HRH1: variants seen among roughly 807,000 people sequenced by gnomAD.
HRH1 encodes the protein histamine H1 receptor.
Under a neutral mutation model 10.3 loss-of-function variants are expected in HRH1, and 6 were observed. That is an observed-to-expected ratio of 0.58 (90% CI 0.32 to 1.15). The LOEUF is 1.15. Among genes scored for constraint, HRH1 ranks in the 50% most tolerant of loss-of-function variants. The probability of loss-of-function intolerance (pLI) is 0.05; values close to 1 mark genes in which losing one functional copy is unlikely to be tolerated. For missense variants in HRH1, 514 were observed against 615.3 expected (o/e 0.84, Z 1.74); for synonymous variants, 242 against 236.7 (o/e 1.02, Z -0.21).
At chr3:11,181,220 G>C (rs1267894959) in intron 1 of HRH1, among the ~76,000 whole-genome samples, 1 of 152,176 alleles carries the variant, frequency 6.6e-6, no homozygotes, top group Non-Finnish European at 1.5e-5. Context: ...GGGAGGTTGA[G>C]GCTGCTGTAA....
chr3:11,232,941 T>C (rs1280952145), intron 1 of HRH1, among the ~76,000 whole-genome samples: 1 of 152,208 alleles, frequency 6.6e-6, no homozygotes, highest in Non-Finnish European at 1.5e-5. Flanking sequence ...CTGAAAAATA[T>C]AATGCCATTT....
intron 1 of HRH1, among the ~76,000 whole-genome samples, chr3:11,209,775 T>C (rs1338796818): frequency 6.6e-6 from 1 of 152,194 alleles, no homozygotes; most frequent in Non-Finnish European, 1.5e-5. Context: ...CTCCATTATT[T>C]TGGTGAATTA....
At chr3:11,225,031 C>A (rs889119899) in intron 1 of HRH1, among the ~76,000 whole-genome samples, 1 of 152,156 alleles carries the variant, frequency 6.6e-6, no homozygotes, top group African/African-American at 2.4e-5. Context: ...TGCTCCACTG[C>A]GGCTGCTAAG....
At chr3:11,152,446 T>G (rs1375553886), upstream of HRH1, among the ~76,000 whole-genome samples, 1 of 152,184 alleles carries the variant, frequency 6.6e-6, no homozygotes, top group Non-Finnish European at 1.5e-5. Context: ...AAGATGCTGA[T>G]TTTTCTAAAA....
chr3:11,229,986 GT>G (rs1285556205), intron 1 of HRH1, among the ~76,000 whole-genome samples: 2 of 152,300 alleles, frequency 1.3e-5, no homozygotes, highest in Non-Finnish European at 2.9e-5. Context: ...ACTAGAGGGG[GT>G]GAGATTGGAA....
chr3:11,199,223 G>A (rs1469427244), intron 1 of HRH1, among the ~76,000 whole-genome samples: 1 of 152,058 alleles, frequency 6.6e-6, no homozygotes, highest in Admixed American at 6.6e-5. Flanking sequence ...TATATTATAG[G>A]TGAAATAGTT....
chr3:11,199,966 T>C (rs1210621367), intron 1 of HRH1, among the ~76,000 whole-genome samples: 1 of 152,224 alleles, frequency 6.6e-6, no homozygotes, highest in Non-Finnish European at 1.5e-5. Flanking sequence ...AACCTAATCC[T>C]GTTGCTGGTG....
Position 11,259,794 on chromosome 3 carries a change from A to G in HRH1, c.757A>G (p.Lys253Glu), listed in dbSNP as rs1165686244. 4 of 1,613,882 alleles carry G rather than the reference A, an allele frequency of 2.5e-6. No individual in the cohort carries two copies. The Admixed American group carries it at 5.0e-5, about 20-fold the overall frequency. The change falls in exon 2 of 2, where the codon AAG (lysine) becomes GAG (glutamate). Residue 253 changes from lysine to glutamate, a missense_variant. Lys to Glu is a moderately conservative substitution (Grantham distance 56, BLOSUM62 1). Transcript: ENST00000431010. This position sits in a 1 kb window ranked among gnomAD's most constrained non-coding sequence, Gnocchi z 4.6. Reference sequence around the variant, plus strand: ...CAAGGGGGATGCCAAGAAACCAGGGAAGGAGTCTCCCTGGGAGGTTCTGAA... The same window carrying G: ...CAAGGGGGATGCCAAGAAACCAGGGGAGGAGTCTCCCTGGGAGGTTCTGAA... The part of the protein sequence containing the change: ...NPKGDAKKPG[K>E]ESPWEVLKRK...
chr3:11,145,833 T>C (rs1283678431), intron 1 of HRH1, among the ~76,000 whole-genome samples: 1 of 152,228 alleles, frequency 6.6e-6, no homozygotes, highest in Non-Finnish European at 1.5e-5. Context: ...TAGAATGATA[T>C]GTTTACTTTT....
chr3:11,234,486 C>G, intron 1 of HRH1: 1 of 1,519,572 alleles, frequency 6.6e-7, no homozygotes, highest in Middle Eastern at 1.7e-4. Context: ...TTGAACTGTT[C>G]CCCACAGGGG....
chr3:11,172,883 T>C (rs1937181059), intron 1 of HRH1, among the ~76,000 whole-genome samples: 1 of 151,802 alleles, frequency 6.6e-6, no homozygotes, highest in Non-Finnish European at 1.5e-5. Context: ...TTTGTATTTT[T>C]AGTAGAGACG....
chr3:11,259,313 G>A lies in HRH1; in HGVS notation c.276G>A (p.Lys92=). 1.2e-6 allele frequency: 2 copies of A among 1,613,694 alleles called. No homozygotes were observed. The highest frequency in any genetic ancestry group is 4.5e-5 in the East Asian group (2 of 44,868). The part of the protein sequence containing the change: ...PMNILYLLMS[K]WSLGRPLCLF... ...ACATCCTCTACCTGCTCATGTCCAA[G>A]TGGTCACTGGGCCGTCCTCTCTGCC... Residue 92 remains lysine (K), a synonymous_variant, in exon 2 of 2, where the codon AAG becomes AAA. Coordinates refer to ENST00000431010, the MANE Select transcript of HRH1 (RefSeq NM_001098212.2). This position sits in a 1 kb window ranked among gnomAD's most constrained non-coding sequence, Gnocchi z 4.6.
intron 1 of HRH1, among the ~76,000 whole-genome samples, chr3:11,238,890 C>A (rs1328294637): frequency 1.3e-5 from 2 of 152,132 alleles, no homozygotes; most frequent in African/African-American, 4.8e-5. Flanking sequence ...ACAAATGGAC[C>A]ACATTTTAAT....
intron 1 of HRH1, among the ~76,000 whole-genome samples, chr3:11,222,731 C>T (rs948284126): frequency 6.6e-6 from 1 of 152,022 alleles, no homozygotes; most frequent in African/African-American, 2.4e-5. Context: ...ACCCAGGGGG[C>T]GTTTAGAGGT....
At chr3:11,176,161 C>CAGA (rs1176951601) in intron 1 of HRH1, among the ~76,000 whole-genome samples, 5 of 134,538 alleles carry the variant, frequency 3.7e-5, no homozygotes, top group African/African-American at 1.0e-4. Context: ...AGAGTGAGAA[C>CAGA]CTGTCTCAAA....
At chr3:11,219,809 T>G (rs770279084) in intron 1 of HRH1, among the ~76,000 whole-genome samples, 1 of 151,786 alleles carries the variant, frequency 6.6e-6, no homozygotes, top group Non-Finnish European at 1.5e-5. Context: ...GTCCATTCAG[T>G]CTACCCTGAA....
intron 1 of HRH1, among the ~76,000 whole-genome samples, chr3:11,249,806 G>A (rs987872458): frequency 6.6e-6 from 1 of 152,152 alleles, no homozygotes; most frequent in Non-Finnish European, 1.5e-5. Flanking sequence ...AATCTTCCCA[G>A]ACTAATTGAT....
intron 1 of HRH1, among the ~76,000 whole-genome samples, chr3:11,228,313 G>C (rs347609): frequency 0.86 from 130,395 of 152,166 alleles, 56,256 homozygotes; most frequent in East Asian, 1. Context: ...GGCAGGAGTT[G>C]AAGGTCACAG....
At chr3:11,161,982 G>C (rs1176467900) in intron 1 of HRH1, among the ~76,000 whole-genome samples, 1 of 152,148 alleles carries the variant, frequency 6.6e-6, no homozygotes, top group African/African-American at 2.4e-5. Flanking sequence ...AAAATGTCAT[G>C]GTTATTACTA....
Sources: gnomAD v4.1 joint callset for allele counts (sites outside exome capture counted in the v4.1 genomes callset) on GRCh38, gnomAD v4.1.1 for gene constraint, Gnocchi (gnomAD v3.1) non-coding constraint, MANE v1.5 for transcripts, NCBI Gene and HGNC (gene_info 2026-07-23, HGNC 2026-07-21) for gene names.